The following TNPO1 variants were observed in gnomAD, a reference collection of about 807,000 sequenced individuals.
TNPO1 encodes the protein transportin 1, also known as transportin-1.
A neutral mutation model predicts 119.5 loss-of-function variants in TNPO1; 8 were observed. The ratio of observed to expected loss-of-function variants is 0.07; its 90% CI spans 0.04 to 0.12. TNPO1 has a LOEUF of 0.12. TNPO1 is among the 10% of genes least tolerant of loss of function. The pLI is 1.00. For missense variants in TNPO1, 576 were observed against 1,089.8 expected (o/e 0.53, Z 6.64); for synonymous variants, 362 against 363.0 (o/e 1.00, Z 0.03).
chr5:72,863,185 G>GA (rs1746612420), intron 5 of TNPO1, among the ~76,000 whole-genome samples: 2 of 151,892 alleles, frequency 1.3e-5, no homozygotes, highest in Admixed American at 1.3e-4. Flanking sequence ...ATTTTTTGTG[G>GA]AAACCATATT....
intron 3 of TNPO1, among the ~76,000 whole-genome samples, chr5:72,855,205 G>C (rs934768794): frequency 2.6e-5 from 4 of 151,554 alleles, no homozygotes; most frequent in African/African-American, 9.7e-5. Flanking sequence ...CATGTAGGCC[G>C]GTCTGGTCTC....
intron 18 of TNPO1, among the ~76,000 whole-genome samples, chr5:72,894,112 A>G (rs1389640402): frequency 2.6e-5 from 4 of 152,196 alleles, no homozygotes; most frequent in Non-Finnish European, 4.4e-5. Flanking sequence ...TATTGCAGAA[A>G]ACTTCCAACA....
intron 1 of TNPO1, among the ~76,000 whole-genome samples, chr5:72,836,829 AT>A (rs1390016733): frequency 6.6e-6 from 1 of 152,196 alleles, no homozygotes; most frequent in Non-Finnish European, 1.5e-5. Context: ...CTTCCACACA[AT>A]GCTAGGACAT....
intron 1 of TNPO1, among the ~76,000 whole-genome samples, chr5:72,819,096 A>G (rs1179380490): frequency 6.6e-6 from 1 of 152,190 alleles, no homozygotes; most frequent in African/African-American, 2.4e-5. Context: ...TATTTAGCTC[A>G]CGGTTCTGCA....
intron 1 of TNPO1, among the ~76,000 whole-genome samples, chr5:72,822,908 C>CTTTTTT (rs56331096): frequency 2.6e-5 from 2 of 76,080 alleles, no homozygotes; most frequent in Non-Finnish European, 2.5e-5. Context: ...TGGGTCTACA[C>CTTTTTT]TTTTTTTTTT....
intron 2 of TNPO1, among the ~76,000 whole-genome samples, chr5:72,850,289 G>C (rs1356692677): frequency 1.3e-5 from 2 of 152,168 alleles, no homozygotes; most frequent in Non-Finnish European, 2.9e-5. Flanking sequence ...ATATCAGCTT[G>C]TTGTTAATCT....
At chr5:72,855,710 CTT>C in intron 3 of TNPO1, 62 bp from the exon 4 acceptor site, 1 of 1,374,698 alleles carries the variant, frequency 7.3e-7, no homozygotes, top group Non-Finnish European at 9.9e-7. Context: ...GTTTTTAAAA[CTT>C]ATCGGCACAT....
intron 9 of TNPO1, among the ~76,000 whole-genome samples, chr5:72,882,186 T>C (rs1200589792): frequency 6.6e-6 from 1 of 152,228 alleles, no homozygotes; most frequent in African/African-American, 2.4e-5. Context: ...GTTTAATTAC[T>C]ACTAATCTTT....
At chr5:72,835,321 C>T (rs2112201699) in intron 1 of TNPO1, among the ~76,000 whole-genome samples, 1 of 152,310 alleles carries the variant, frequency 6.6e-6, no homozygotes, top group South Asian at 2.1e-4. Flanking sequence ...ATATCACCTG[C>T]CTTTGTCTGT....
rs1394035430 is a variant in TNPO1, at chr5:72,822,905, A to T, written c.15+6153A>T. Among the ~76,000 whole-genome samples, 17 of 112,224 alleles carry T rather than the reference A, an allele frequency of 1.5e-4. No individual in the cohort carries two copies. The East Asian group carries it at 1.8e-3, about 12-fold the overall frequency. The allele number at this position is 112,224 out of a possible 152,430, so 73.6% of individuals were successfully genotyped here. ...ACTGCGCCCGGCCTGGCCTGGGTCT[A>T]CACTTTTTTTTTTTTTTTTTTTTTT... On this transcript the variant is annotated intron_variant, in intron 1 of 24. Transcript: ENST00000337273.
At chr5:72,900,616 C>G (rs1365679573) in intron 21 of TNPO1, among the ~76,000 whole-genome samples, 2 of 152,100 alleles carry the variant, frequency 1.3e-5, no homozygotes, top group South Asian at 2.1e-4. Flanking sequence ...CAATTCAAAT[C>G]ATTTTAGTAG....
intron 11 of TNPO1, among the ~76,000 whole-genome samples, chr5:72,884,697 C>A (rs1748492257): frequency 6.6e-6 from 1 of 152,074 alleles, no homozygotes; most frequent in South Asian, 2.1e-4. Flanking sequence ...ACCTCTACTG[C>A]TCTAGTTCAG....
At chr5:72,817,290 C>G (rs896996149) in intron 1 of TNPO1, among the ~76,000 whole-genome samples, 1 of 152,164 alleles carries the variant, frequency 6.6e-6, no homozygotes, top group Non-Finnish European at 1.5e-5. Context: ...GTTCTTTCTC[C>G]TTGGGGCCTC....
chr5:72,846,988 T>G (rs1198729000), intron 1 of TNPO1, among the ~76,000 whole-genome samples: 2 of 152,168 alleles, frequency 1.3e-5, no homozygotes, highest in Non-Finnish European at 2.9e-5. Flanking sequence ...AAGACTAGAA[T>G]AAAAGCACTA....
intron 14 of TNPO1, 86 bp downstream of exon 14, chr5:72,890,043 G>A: frequency 6.8e-7 from 1 of 1,469,836 alleles, no homozygotes; most frequent in South Asian, 1.2e-5. Flanking sequence ...AAATTAAGAT[G>A]TTTTGGGAGA....
intron 1 of TNPO1, among the ~76,000 whole-genome samples, chr5:72,837,717 G>A (rs542123419): frequency 3.9e-5 from 6 of 152,344 alleles, no homozygotes; most frequent in Non-Finnish European, 8.8e-5. Flanking sequence ...TTAGTTGGGA[G>A]TGTAGTGTGC....
chr5:72,874,658 G>A (rs572930355), intron 7 of TNPO1, among the ~76,000 whole-genome samples: 8 of 152,274 alleles, frequency 5.3e-5, no homozygotes, highest in African/African-American at 1.9e-4. Context: ...TAAAAATGCT[G>A]CAATAGTACT....
At chr5:72,839,224 C>T (rs1744813580) in intron 1 of TNPO1, among the ~76,000 whole-genome samples, 1 of 152,080 alleles carries the variant, frequency 6.6e-6, no homozygotes, top group Non-Finnish European at 1.5e-5. Context: ...AGAATCGGAC[C>T]TAATTATTTT....
At chr5:72,845,523 T>C (rs1193163079) in intron 1 of TNPO1, among the ~76,000 whole-genome samples, 1 of 152,164 alleles carries the variant, frequency 6.6e-6, no homozygotes, top group Non-Finnish European at 1.5e-5. Flanking sequence ...ATAAATGTTA[T>C]GTATGTAGAT....
Sources: allele counts gnomAD v4.1 joint callset (sites outside exome capture counted in the v4.1 genomes callset), GRCh38; gene constraint gnomAD v4.1.1; transcripts MANE v1.5; gene names NCBI Gene and HGNC (gene_info 2026-07-23, HGNC 2026-07-21).